Variants in CBLL1 observed in about 807,000 individuals in gnomAD.
CBLL1 encodes the protein E3 ubiquitin-protein ligase Hakai.
Under a neutral mutation model 44.9 loss-of-function variants are expected in CBLL1, and 4 were observed. That is an observed-to-expected ratio of 0.09 (90% confidence interval 0.04 to 0.20). CBLL1 has a LOEUF of 0.20. CBLL1 is among the 10% of genes least tolerant of loss of function. The pLI is 1.00. For synonymous variants in CBLL1, 235 were observed against 202.2 expected, an observed-to-expected ratio of 1.16 and a Z score of -1.38; for missense variants, 569 against 636.7, an observed-to-expected ratio of 0.89 and a Z score of 1.14.
At chr7:107,753,666 A>G (rs137864280) in intron 3 of CBLL1, among the ~76,000 whole-genome samples, 155 bp downstream of exon 3, 346 of 152,216 alleles carry the variant, frequency 2.3e-3, no homozygotes, top group African/African-American at 7.8e-3. Flanking sequence ...TTAATACTCT[A>G]TTTTCAAGAA....
At chr7:107,751,975 G>A (rs1483895579) in intron 2 of CBLL1, among the ~76,000 whole-genome samples, 1 of 152,002 alleles carries the variant, frequency 6.6e-6, no homozygotes, top group Non-Finnish European at 1.5e-5. Context: ...TGAGACGGGC[G>A]GGTCATGAGG....
At chr7:107,757,981 G>A (rs1793603418) in intron 5 of CBLL1, among the ~76,000 whole-genome samples, 162 bp from the exon 6 acceptor site, 1 of 152,182 alleles carries the variant, frequency 6.6e-6, no homozygotes. Context: ...CAACAAAGTA[G>A]GGAAGATTAA....
chr7:107,759,215 A>G lies in CBLL1; in HGVS notation c.*37A>G, dbSNP rs1224702197. ...TGAATGGAAGATATGAGGGGGAAAA[A>G]AACTTATGTGTAGTCAATCTTTTAA... On this transcript the variant is annotated 3_prime_UTR_variant, in exon 6 of 6. Transcript: ENST00000440859. The G allele has an allele frequency of 2.0e-6, 3 of 1,516,272 alleles. No individual in the cohort carries two copies. The highest frequency in any genetic ancestry group is 2.0e-5 in the Admixed American group (1 of 50,478). The allele number at this position is 1,516,272 out of a possible 1,614,324, so 93.9% of individuals were successfully genotyped here. A position where few individuals can be genotyped will look rare whatever the true frequency, so the allele number is the denominator to read the frequency against.
In CBLL1 at chr7:107,754,379, CAGAG is replaced by C. The variant is rs144647124; in HGVS notation, c.366+404_366+407del. Among the ~76,000 whole-genome samples the C allele has an allele frequency of 5.5e-3, 836 of 151,736 alleles. 3 individuals carry two copies. The highest frequency in any genetic ancestry group is 0.019 in the African/African-American group (801 of 41,390). ...TAATTTCTCTTTTTTTCCTGAGGCT[CAGAG>C]AGGCTTAATAGTAATTATTATTTCT... On this transcript the variant is annotated intron_variant, in intron 4 of 5. Transcript: ENST00000440859.
chr7:107,747,912 A>G (rs1481902613), intron 1 of CBLL1, among the ~76,000 whole-genome samples: 1 of 152,198 alleles, frequency 6.6e-6, no homozygotes, highest in Non-Finnish European at 1.5e-5. Flanking sequence ...ACCTTGTTCA[A>G]TAACTTGTCA....
intron 1 of CBLL1, among the ~76,000 whole-genome samples, chr7:107,746,946 C>T (rs1793051167): frequency 6.6e-6 from 1 of 152,106 alleles, no homozygotes; most frequent in Admixed American, 6.6e-5. Context: ...CTTTTTTAAA[C>T]TATATGATAT....
intron 5 of CBLL1, among the ~76,000 whole-genome samples, chr7:107,757,821 T>G (rs1290637529): frequency 1.3e-5 from 2 of 152,188 alleles, no homozygotes; most frequent in African/African-American, 2.4e-5. Context: ...CTTGCTGGGT[T>G]TTTTGGCAAA....
chr7:107,759,059 A>G lies in CBLL1; in HGVS notation c.1357A>G (p.Ile453Val), dbSNP rs773049192. 6.2e-7 allele frequency: 1 copy of G among 1,613,882 alleles called. No individual in the cohort carries two copies. Residue 453 changes from isoleucine (I) to valine (V), a missense_variant, in exon 6 of 6, where the codon ATA becomes GTA. By Grantham distance (29) the Ile-to-Val change is conservative. Around this residue, in one of 5 missense-constraint regions of CBLL1, gnomAD observed 228 missense variants for 253.2 expected, o/e 0.90. Transcript: ENST00000440859. ...FTQPGGMSPGIWPAPRGPPPP... is the reference protein window; with the variant it reads ...FTQPGGMSPGVWPAPRGPPPP... ...ACAACCAGGGGGAATGAGTCCTGGT[A>G]TATGGCCTGCACCAAGAGGGCCACC...
rs77731939 is a variant in CBLL1, at chr7:107,747,139, C to G, written c.14-1741C>G. Among the ~76,000 whole-genome samples the G allele has an allele frequency of 8.2e-3, 1,248 of 152,188 alleles. 17 individuals carry two copies. Among genetic ancestry groups the G allele is most frequent in the African/African-American group, 0.028 (1,172 of 41,514 alleles). On this transcript the variant is annotated intron_variant, in intron 1 of 5. Transcript: ENST00000440859. ...AAAAACAACAAAAAGCAAAAAAGTC[C>G]CAAAGAAACCCAGAATGTTATCATT...
intron 1 of CBLL1, chr7:107,744,833 T>G (rs893214838): frequency 1.3e-5 from 2 of 152,244 alleles, no homozygotes; most frequent in African/African-American, 4.8e-5. Flanking sequence ...CATACTTTTC[T>G]CCAAGTAAGA....
intron 1 of CBLL1, 23 bp from the exon 2 acceptor site, chr7:107,748,857 A>T (rs752509323): frequency 5.2e-6 from 8 of 1,550,536 alleles, no homozygotes; most frequent in Non-Finnish European, 6.1e-6. Context: ...AAAAGAAATT[A>T]CAACTTTTTT....
In CBLL1 at chr7:107,760,089, T is replaced by G. The variant is rs1450218091; in HGVS notation, c.*911T>G. ...AATGGTGTTCTTTAGATGAAATGTG[T>G]TCTGTTTTGTTCATTGTCTTAAACT... On this transcript the variant is annotated 3_prime_UTR_variant, in exon 6 of 6. Transcript: ENST00000440859. The G allele has an allele frequency of 6.6e-6, 1 of 152,252 alleles. No homozygotes were observed. Among genetic ancestry groups the G allele is most frequent in the Non-Finnish European group, 1.5e-5 (1 of 67,974 alleles). 9.4% of individuals were successfully genotyped at this position (152,252 alleles called of 1,614,324 possible).
At chr7:107,752,528 G>C in intron 2 of CBLL1, 1 of 1,284,400 alleles carries the variant, frequency 7.8e-7, no homozygotes, top group Non-Finnish European at 1.0e-6. Context: ...TGTGTGCTTG[G>C]CTACTCTGTT....
intron 2 of CBLL1, among the ~76,000 whole-genome samples, chr7:107,752,092 G>A (rs1411775326): frequency 1.3e-5 from 2 of 151,694 alleles, no homozygotes; most frequent in Non-Finnish European, 2.9e-5. Context: ...CCAGCTACTC[G>A]GGAGGCCGAG....
Position 107,758,636 on chromosome 7 carries a change from G to A in CBLL1, c.934G>A (p.Ala312Thr). The change falls in exon 6 of 6, where the codon GCC (alanine) becomes ACC (threonine). Residue 312 changes from alanine to threonine, a missense_variant. Transcript: ENST00000440859. The surrounding 1 kb of genome is among the most constrained non-coding windows in gnomAD (Gnocchi z 4.2). ...NSGAREPPPP[A>T]PAPAHHHPEY... ...AGGTGCTAGAGAACCACCACCTCCTGCCCCAGCACCTGCTCACCATCATCC... is the reference window on the plus strand; with the variant it reads ...AGGTGCTAGAGAACCACCACCTCCTACCCCAGCACCTGCTCACCATCATCC... The A allele has an allele frequency of 6.2e-7, 1 of 1,613,442 alleles. No homozygotes were observed. Among genetic ancestry groups the A allele is most frequent in the Non-Finnish European group, 8.5e-7 (1 of 1,179,858 alleles).
intron 1 of CBLL1, chr7:107,744,544 C>G (rs957000761): frequency 1.8e-5 from 5 of 280,848 alleles, no homozygotes; most frequent in African/African-American, 6.6e-5. Flanking sequence ...CTCCGAGTCG[C>G]GGAATCCTCT....
intron 2 of CBLL1, among the ~76,000 whole-genome samples, chr7:107,751,229 A>G (rs1429791724): frequency 1.3e-5 from 2 of 152,094 alleles, no homozygotes; most frequent in African/African-American, 4.8e-5. Flanking sequence ...TGCACGGTTC[A>G]CAATAGGGTT....
rs1279841007 is a variant in CBLL1 at position 107,760,800 on chromosome 7, C to A, written c.*1622C>A. Reference sequence around the variant, plus strand: ...AGGTACAGGTGAAACAAATTCTCATCTTGAATGATCAGATGCAAAATCATT... The same window carrying A: ...AGGTACAGGTGAAACAAATTCTCATATTGAATGATCAGATGCAAAATCATT... On this transcript the variant is annotated 3_prime_UTR_variant, in exon 6 of 6. Transcript: ENST00000440859. 3.3e-5 allele frequency: 5 copies of A among 152,116 alleles called. No homozygotes were observed. Among genetic ancestry groups the A allele is most frequent in the Admixed American group, 2.6e-4 (4 of 15,260 alleles). 9.4% of individuals were successfully genotyped at this position (152,116 alleles called of 1,614,324 possible). A position where few individuals can be genotyped will look rare whatever the true frequency, so the allele number is the denominator to read the frequency against.
chr7:107,749,794 T>C (rs1245485641), intron 2 of CBLL1, among the ~76,000 whole-genome samples: 1 of 152,146 alleles, frequency 6.6e-6, no homozygotes, highest in Non-Finnish European at 1.5e-5. Context: ...AATTTTTGTT[T>C]TGATGTAAAT....
Sources: allele counts gnomAD v4.1 joint callset (sites outside exome capture counted in the v4.1 genomes callset), GRCh38; gene constraint gnomAD v4.1.1; regional missense constraint gnomAD v4.1.1; non-coding constraint Gnocchi (gnomAD v3.1); transcripts MANE v1.5; gene names NCBI Gene and HGNC (gene_info 2026-07-23, HGNC 2026-07-21).